Variants in ATG4B observed in about 807,000 individuals in gnomAD.
ATG4B encodes the protein cysteine protease ATG4B.
A neutral mutation model predicts 56.6 loss-of-function variants in ATG4B; 29 were observed. That is an observed-to-expected ratio of 0.51 (90% CI 0.38 to 0.70). The LOEUF (loss-of-function observed/expected upper bound fraction) is 0.70. Among genes scored for constraint, ATG4B ranks in the 30% least tolerant of loss-of-function variants. The pLI is 0.00. For synonymous variants in ATG4B, 224 were observed against 206.1 expected (o/e 1.09, Z -0.74); for missense variants, 461 against 515.5 (o/e 0.89, Z 1.02).
At position 241,658,550 on chromosome 2, in the gene ATG4B, A is replaced by G. The variant is rs551548631; in HGVS notation, c.459-558A>G. On this transcript the variant is annotated intron_variant, in intron 6 of 12. Coordinates refer to ENST00000404914, the MANE Select transcript of ATG4B (RefSeq NM_013325.5). ...TCCGCCAGACCTGAGATGAGATCAG[A>G]GTCGTGTTAGACTTTTGGCTGCAGA... 3.9e-5 allele frequency among the ~76,000 whole-genome samples: 6 copies of G among 152,344 alleles called. No individual in the cohort carries two copies. In the South Asian group the frequency reaches 1.2e-3, roughly 32 times the overall value.
In ATG4B at chr2:241,673,283, A is replaced by C. The variant is rs903306776; in HGVS notation, c.*1019A>C. ...AACCTCAGCCCCGATTCCAGCACCC[A>C]CCACCGCCTGACCCTGTGTAACCTG... is the stretch of plus-strand genomic sequence containing the variant. On this transcript the variant is annotated 3_prime_UTR_variant, in exon 13 of 13. Transcript: ENST00000404914. The C allele has an allele frequency of 4.7e-4, 160 of 337,940 alleles. 1 individual carries two copies. The highest frequency in any genetic ancestry group is 6.1e-4 in the Non-Finnish European group (104 of 169,502). The allele number at this position is 337,940 out of a possible 1,614,324, so 20.9% of individuals were successfully genotyped here. A position where few individuals can be genotyped will look rare whatever the true frequency, so the allele number is the denominator to read the frequency against.
At chr2:241,640,591 T>C (rs1328338067) in intron 1 of ATG4B, among the ~76,000 whole-genome samples, 1 of 152,228 alleles carries the variant, frequency 6.6e-6, no homozygotes, top group Non-Finnish European at 1.5e-5. Flanking sequence ...GCTAACGTTC[T>C]AGACATGAGA....
chr2:241,673,563 A>G lies in ATG4B; in HGVS notation c.*1299A>G, dbSNP rs2069050154. On this transcript the variant is annotated 3_prime_UTR_variant, in exon 13 of 13. Coordinates refer to ENST00000404914, the MANE Select transcript of ATG4B (RefSeq NM_013325.5). ...CCACCTGGTAGCAGAGGACACCCCC[A>G]GCCCCCCAAGCATTGAAGACATAGT... 2.2e-6 allele frequency: 1 copy of G among 453,072 alleles called. No individual in the cohort carries two copies. Among genetic ancestry groups the G allele is most frequent in the Non-Finnish European group, 4.4e-6 (1 of 226,406 alleles). The allele number at this position is 453,072 out of a possible 1,614,324, so 28.1% of individuals were successfully genotyped here.
In ATG4B at chr2:241,642,872, CTTTTTTTTT is replaced by C. The variant is rs1165718825; in HGVS notation, c.10+5166_10+5174del. 4.6e-4 allele frequency among the ~76,000 whole-genome samples: 48 copies of C among 104,290 alleles called. 2 individuals are homozygous for C. The Admixed American group carries it at 5.3e-3, about 12-fold the overall frequency. The allele number at this position is 104,290 out of a possible 152,430, so 68.4% of individuals were successfully genotyped here. ...TTAAGGTGTACAGCACCTCTCCGTC[CTTTTTTTTT>C]TTTTTTTTTTTTTTTTTAAGACGGA... On this transcript the variant is annotated intron_variant, in intron 1 of 12. Coordinates refer to ENST00000404914, the MANE Select transcript of ATG4B (RefSeq NM_013325.5).
Position 241,654,801 on chromosome 2 carries a change from TCACATCACCCCCGTGTCATCC to T in ATG4B, c.385+169_385+189del, listed in dbSNP as rs1280995788. The stretch of plus-strand genomic sequence containing the variant: ...ACCTCTGACCATCTGTGCGCTGCTG[TCACATCACCCCCGTGTCATCC>T]CACATCACCCCCGTCCCACCCAGGC... On this transcript the variant is annotated intron_variant, in intron 5 of 12. Coordinates refer to ENST00000404914, the MANE Select transcript of ATG4B (RefSeq NM_013325.5). 2.2e-5 allele frequency: 14 copies of T among 647,984 alleles called. No individual in the cohort carries two copies. The East Asian group carries it at 3.8e-4, about 18-fold the overall frequency. The allele number at this position is 647,984 out of a possible 1,614,324, so 40.1% of individuals were successfully genotyped here.
At chr2:241,666,580 T>G in intron 7 of ATG4B, 65 bp from the exon 8 acceptor site, 2 of 1,534,926 alleles carry the variant, frequency 1.3e-6, no homozygotes, top group Non-Finnish European at 1.8e-6. Flanking sequence ...ATCATTTGCT[T>G]GCTTGTTGTG....
In ATG4B at chr2:241,671,934, G is replaced by C. The variant is rs143661453; in HGVS notation, c.1109-257G>C. 1.0e-3 allele frequency: 1,421 copies of C among 1,381,360 alleles called. 13 individuals are homozygous for C. In the African/African-American group the frequency reaches 0.019, roughly 18 times the overall value. The allele number at this position is 1,381,360 out of a possible 1,614,324, so 85.6% of individuals were successfully genotyped here. A position where few individuals can be genotyped will look rare whatever the true frequency, so the allele number is the denominator to read the frequency against. The stretch of plus-strand genomic sequence containing the variant: ...CCTGATGACCACGAGGGTCAGACGC[G>C]GGACAGAGGCCCCTCAGGCCTGAGA... On this transcript the variant is annotated intron_variant, in intron 12 of 12. Coordinates refer to ENST00000404914, the MANE Select transcript of ATG4B (RefSeq NM_013325.5).
chr2:241,668,555 A>C lies in ATG4B; in HGVS notation c.827A>C (p.Tyr276Ser). 1.9e-6 allele frequency: 3 copies of C among 1,609,138 alleles called. No homozygotes were observed. The highest frequency in any genetic ancestry group is 2.2e-5 in the South Asian group (2 of 90,548). The change falls in exon 10 of 13, where the codon TAC (tyrosine) becomes TCC (serine). Residue 276 changes from tyrosine (Y) to serine (S), a missense_variant. By Grantham distance (144) the Tyr-to-Ser change is moderately radical. Transcript: ENST00000404914. The surrounding 1 kb of genome is among the most constrained non-coding windows in gnomAD (Gnocchi z 4.2). ...ATCCTCCCAGGTGAGGAGCTCATCT[A>C]CCTGGACCCCCACACCACGCAGCCA... The part of the protein sequence containing the change: ...FIGYVGEELI[Y>S]LDPHTTQPAV...
At chr2:241,660,944 A>AG (rs1259072458) in intron 7 of ATG4B, among the ~76,000 whole-genome samples, 1 of 152,166 alleles carries the variant, frequency 6.6e-6, no homozygotes, top group Non-Finnish European at 1.5e-5. Context: ...GGAAGGCGCA[A>AG]GGGTCAGGGC....
intron 11 of ATG4B, among the ~76,000 whole-genome samples, chr2:241,671,106 C>G (rs1199355368): frequency 6.6e-6 from 1 of 152,212 alleles, no homozygotes; most frequent in African/African-American, 2.4e-5. Flanking sequence ...TGGCCCACCC[C>G]CCTCTGCCGT....
intron 3 of ATG4B, among the ~76,000 whole-genome samples, chr2:241,652,433 G>C (rs1056425814): frequency 7.2e-5 from 11 of 152,228 alleles, no homozygotes; most frequent in African/African-American, 2.7e-4. Flanking sequence ...TAGAGGCTGG[G>C]GATGAGCCTG....
intron 8 of ATG4B, 83 bp downstream of exon 8, chr2:241,666,921 G>C: frequency 6.9e-7 from 1 of 1,442,330 alleles, no homozygotes; most frequent in South Asian, 1.3e-5. Context: ...TCGTCGTCAC[G>C]TGGCCATTTG....
intron 1 of ATG4B, among the ~76,000 whole-genome samples, chr2:241,644,388 C>T (rs777622522): frequency 2.6e-5 from 4 of 152,082 alleles, no homozygotes; most frequent in East Asian, 1.9e-4. Flanking sequence ...TCGTGTTGGT[C>T]GATCTGCAGA....
intron 1 of ATG4B, among the ~76,000 whole-genome samples, chr2:241,639,186 C>G (rs2067803924): frequency 6.6e-6 from 1 of 152,238 alleles, no homozygotes; most frequent in African/African-American, 2.4e-5. Flanking sequence ...AGAGTGGGCT[C>G]TGCAGAGCTT....
At position 241,659,194 on chromosome 2, in the gene ATG4B, G is replaced by A. The variant is rs1575077091; in HGVS notation, c.538+7G>A. The A allele has an allele frequency of 6.2e-7, 1 of 1,612,648 alleles. No individual in the cohort carries two copies. Among genetic ancestry groups the A allele is most frequent in the South Asian group, 1.1e-5 (1 of 90,990 alleles). On this transcript the variant is annotated splice_region_variant and intron_variant, in intron 7 of 12. Transcript: ENST00000404914. ...GTTGTGATGGAGGAAATCAGTAAGT[G>A]GCTCAGAGTTTCCATGGACAAGAAA...
In ATG4B at chr2:241,643,662, A is replaced by ATG. The variant is rs1559248008; in HGVS notation, c.10+5938_10+5939insTG. On this transcript the variant is annotated intron_variant, in intron 1 of 12. Transcript: ENST00000404914. Reference sequence around the variant, plus strand: ...CACATATATGTATAAATATATATATACGTGTGTGTGTGTGTGTGTATGTAT... The same window carrying ATG: ...CACATATATGTATAAATATATATATATGCGTGTGTGTGTGTGTGTGTATGTAT... 8.6e-4 allele frequency among the ~76,000 whole-genome samples: 56 copies of ATG among 64,870 alleles called. 1 individual carries two copies. The highest frequency in any genetic ancestry group is 6.6e-3 in the African/African-American group (53 of 8,058). 42.6% of individuals were successfully genotyped at this position (64,870 alleles called of 152,430 possible).
At chr2:241,644,930 C>T (rs914331536) in intron 1 of ATG4B, among the ~76,000 whole-genome samples, 4 of 147,816 alleles carry the variant, frequency 2.7e-5, no homozygotes, top group East Asian at 2.0e-4. Flanking sequence ...GCCTGGGTGA[C>T]GAGCAAAACT....
chr2:241,669,075 C>T (rs1391204294), intron 10 of ATG4B, among the ~76,000 whole-genome samples: 1 of 110,774 alleles, frequency 9.0e-6, no homozygotes, highest in African/African-American at 2.8e-5. Flanking sequence ...CACATTTAAA[C>T]ACGGGCGGCC....
chr2:241,673,695 C>T lies in ATG4B; in HGVS notation c.*1431C>T, dbSNP rs779189259. 15 of 455,808 alleles carry T rather than the reference C, an allele frequency of 3.3e-5. No homozygotes were observed. Among genetic ancestry groups the T allele is most frequent in the African/African-American group, 2.2e-4 (11 of 50,016 alleles). The allele number at this position is 455,808 out of a possible 1,614,324, so 28.2% of individuals were successfully genotyped here. A position where few individuals can be genotyped will look rare whatever the true frequency, so the allele number is the denominator to read the frequency against. On this transcript the variant is annotated 3_prime_UTR_variant, in exon 13 of 13. Transcript: ENST00000404914. ...CTCCACGTCCGAGTTCATGGTGCGC[C>T]GCTGTGCTGGGAGCTGCAGTGGTAA...
Sources: gnomAD v4.1 joint callset for allele counts (sites outside exome capture counted in the v4.1 genomes callset) on GRCh38, gnomAD v4.1.1 for gene constraint, Gnocchi (gnomAD v3.1) non-coding constraint, MANE v1.5 for transcripts, NCBI Gene and HGNC (gene_info 2026-07-23, HGNC 2026-07-21) for gene names.